The following NSG1 variants were observed in gnomAD, a reference collection of about 807,000 sequenced individuals.
The protein encoded by NSG1 is neuronal vesicle trafficking associated 1, also known as neuronal vesicle trafficking-associated protein 1.
Under a neutral mutation model 19.3 loss-of-function variants are expected in NSG1, and 9 were observed. The ratio of observed to expected loss-of-function variants is 0.47; its 90% CI spans 0.28 to 0.81. The LOEUF is 0.81. Ranked by LOEUF, NSG1 falls within the 40% of genes least tolerant of loss-of-function variation. NSG1 has a pLI of 0.11. For synonymous variants in NSG1, 104 were observed against 107.0 expected (o/e 0.97, Z 0.17); for missense variants, 236 against 242.4 (o/e 0.97, Z 0.18).
At chr4:4,408,760 C>T (rs574141436) in intron 3 of NSG1, among the ~76,000 whole-genome samples, 61 of 152,254 alleles carry the variant, frequency 4.0e-4, no homozygotes, top group African/African-American at 1.4e-3. Flanking sequence ...ACGCCCAGCC[C>T]GTTTTGGCTT....
rs1724731079 is a variant in NSG1 at position 4,418,683 on chromosome 4, T to C, written c.*1248T>C. 6.6e-6 allele frequency: 1 copy of C among 152,582 alleles called. No homozygotes were observed. The highest frequency in any genetic ancestry group is 1.5e-5 in the Non-Finnish European group (1 of 68,026). 9.5% of individuals were successfully genotyped at this position (152,582 alleles called of 1,614,324 possible). Reference sequence around the variant, plus strand: ...TTTTAGATCAGAAATAAACGACAAATAGTGTGAGATGTGTTGTGAACAGGC... The same window carrying C: ...TTTTAGATCAGAAATAAACGACAAACAGTGTGAGATGTGTTGTGAACAGGC... On this transcript the variant is annotated 3_prime_UTR_variant, in exon 5 of 5. Transcript: ENST00000621129.
chr4:4,403,590 T>G (rs978011384), intron 3 of NSG1, among the ~76,000 whole-genome samples: 3 of 152,202 alleles, frequency 2.0e-5, no homozygotes, highest in Non-Finnish European at 4.4e-5. Flanking sequence ...TCTCCTCTTC[T>G]CAAGGTCCTT....
At chr4:4,408,347 G>A (rs1025089178) in intron 3 of NSG1, among the ~76,000 whole-genome samples, 4 of 152,174 alleles carry the variant, frequency 2.6e-5, no homozygotes, top group South Asian at 2.1e-4. Flanking sequence ...ATACGATTAC[G>A]GAGGCCCTGC....
chr4:4,389,025 A>G (rs1722872162), intron 2 of NSG1, among the ~76,000 whole-genome samples: 1 of 152,188 alleles, frequency 6.6e-6, no homozygotes, highest in African/African-American at 2.4e-5. Context: ...AGACTCGTCC[A>G]GTTAGCGGGG....
At position 4,387,722 on chromosome 4, in the gene NSG1, C is replaced by G. The variant is rs900734199; in HGVS notation, c.93C>G (p.Leu31=). The G allele has an allele frequency of 1.2e-5, 19 of 1,612,578 alleles. No homozygotes were observed. The highest frequency in any genetic ancestry group is 6.7e-5 in the Admixed American group (4 of 59,992). Residue 31 remains leucine, a synonymous_variant, in exon 2 of 5, where the codon CTC becomes CTG. Transcript: ENST00000621129. The part of the protein sequence containing the change: ...GFDTIPLMTP[L]DVNQLQFPPP... ...ACACCATTCCCCTGATGACGCCCCT[C>G]GATGTCAATCAGCTGCAGTTCCCGC...
At chr4:4,410,676 G>A (rs557737908) in intron 4 of NSG1, among the ~76,000 whole-genome samples, 10 of 152,218 alleles carry the variant, frequency 6.6e-5, no homozygotes, top group Admixed American at 1.3e-4. Flanking sequence ...CAGCTTGCAG[G>A]ACCGGAAGCT....
chr4:4,416,687 C>T (rs1455530458), intron 4 of NSG1, among the ~76,000 whole-genome samples: 1 of 152,084 alleles, frequency 6.6e-6, no homozygotes, highest in East Asian at 1.9e-4. Context: ...CTCCCTACCC[C>T]CTCGCCATCT....
At chr4:4,400,631 A>AT (rs1411946923) in intron 3 of NSG1, among the ~76,000 whole-genome samples, 1 of 152,156 alleles carries the variant, frequency 6.6e-6, no homozygotes, top group East Asian at 1.9e-4. Flanking sequence ...TCCTTCAAAA[A>AT]TTTTTTATAG....
At chr4:4,386,704 G>T (rs1454806705), upstream of NSG1, 4 of 152,168 alleles carry the variant, frequency 2.6e-5, no homozygotes, top group African/African-American at 7.2e-5. Context: ...CCTGGGGGTC[G>T]CTCTGTCCCT....
chr4:4,399,432 C>G (rs971516991), intron 3 of NSG1, among the ~76,000 whole-genome samples: 2 of 152,168 alleles, frequency 1.3e-5, no homozygotes, highest in African/African-American at 4.8e-5. Context: ...TGTGAGCCAC[C>G]TCACCCAGCC....
At chr4:4,416,248 C>T in intron 4 of NSG1, 1 of 701,238 alleles carries the variant, frequency 1.4e-6, no homozygotes, top group Non-Finnish European at 2.6e-6. Flanking sequence ...TCCTGTAGCG[C>T]CGCCCTCCTG....
intron 3 of NSG1, among the ~76,000 whole-genome samples, chr4:4,392,088 C>A (rs1026353907): frequency 6.6e-6 from 1 of 151,190 alleles, no homozygotes; most frequent in African/African-American, 2.4e-5. Context: ...AGAGTGGTCA[C>A]AGCTCTACAC....
At chr4:4,387,827 A>C in intron 2 of NSG1, 69 bp downstream of exon 2, 4 of 1,324,012 alleles carry the variant, frequency 3.0e-6, no homozygotes, top group African/African-American at 1.5e-5. Context: ...GGGCGCAACA[A>C]AAGAAACGCG....
chr4:4,402,368 GTTATTTTTTTTTTTTTTT>G (rs1723597562), intron 3 of NSG1, among the ~76,000 whole-genome samples: 1 of 99,604 alleles, frequency 1.0e-5, no homozygotes, highest in African/African-American at 4.2e-5. Flanking sequence ...ACCACGCCTG[GTTATTTTTTTTTTTTTTT>G]TTTTTTTTTT....
chr4:4,413,205 G>A (rs780030719), intron 4 of NSG1, among the ~76,000 whole-genome samples: 2 of 151,936 alleles, frequency 1.3e-5, no homozygotes, highest in Admixed American at 6.6e-5. Flanking sequence ...GAAGTCAGTC[G>A]TACACTGAAT....
chr4:4,396,984 G>T (rs1311355482), intron 3 of NSG1, among the ~76,000 whole-genome samples: 1 of 151,938 alleles, frequency 6.6e-6, no homozygotes, highest in Non-Finnish European at 1.5e-5. Context: ...CCTTCCCCAG[G>T]CTAGCTGTAG....
At position 4,412,512 on chromosome 4, in the gene NSG1, G is replaced by T. The variant is rs539355218; in HGVS notation, c.357+2829G>T. ...TGAGGGGGTGTCCTTTCCGGAGAAG[G>T]CACCTAGGAAGGCCAGGGAGCTGCT... is the stretch of plus-strand genomic sequence containing the variant. On this transcript the variant is annotated intron_variant, in intron 4 of 4. Coordinates refer to ENST00000621129, the MANE Select transcript of NSG1 (RefSeq NM_014392.5). Among the ~76,000 whole-genome samples, 5 of 151,946 alleles carry T rather than the reference G, an allele frequency of 3.3e-5. No individual in the cohort carries two copies. The East Asian group carries it at 9.6e-4, about 29-fold the overall frequency.
At chr4:4,412,111 GAC>G (rs1324229796) in intron 4 of NSG1, among the ~76,000 whole-genome samples, 1 of 152,196 alleles carries the variant, frequency 6.6e-6, no homozygotes, top group African/African-American at 2.4e-5. Flanking sequence ...TCAGCTCCGT[GAC>G]AGTCTTATGG....
intron 3 of NSG1, among the ~76,000 whole-genome samples, chr4:4,408,601 A>G (rs1158994240): frequency 2.0e-5 from 3 of 152,168 alleles, no homozygotes; most frequent in African/African-American, 2.4e-5. Flanking sequence ...AGCTGGGATT[A>G]CAGGTGCGCA....
Sources: allele counts gnomAD v4.1 joint callset (sites outside exome capture counted in the v4.1 genomes callset), GRCh38; gene constraint gnomAD v4.1.1; transcripts MANE v1.5; gene names NCBI Gene and HGNC (gene_info 2026-07-23, HGNC 2026-07-21).